ABCD3: variants seen among roughly 807,000 people sequenced by gnomAD.
The protein encoded by ABCD3 is ATP binding cassette subfamily D member 3, also known as ATP-binding cassette sub-family D member 3.
ABCD3 carries 41 observed loss-of-function variants against 105.5 expected under a neutral mutation model. The observed-to-expected ratio is 0.39, with a 90% CI of 0.30 to 0.50. The LOEUF (loss-of-function observed/expected upper bound fraction) is 0.50. Among genes scored for constraint, ABCD3 ranks in the 20% least tolerant of loss-of-function variants. ABCD3 has a pLI of 0.84. For synonymous variants in ABCD3, 258 were observed against 269.0 expected (o/e 0.96, Z 0.40); for missense variants, 622 against 806.3 (o/e 0.77, Z 2.77).
At chr1:94,416,381 T>C (rs1659006726), upstream of ABCD3, among the ~76,000 whole-genome samples, 1 of 152,228 alleles carries the variant, frequency 6.6e-6, no homozygotes, top group Admixed American at 6.5e-5. Flanking sequence ...TGTTCATATC[T>C]CTAATATAGT....
At chr1:94,434,723 GCATAAATA>G (rs1222070108) in intron 1 of ABCD3, among the ~76,000 whole-genome samples, 2 of 152,172 alleles carry the variant, frequency 1.3e-5, no homozygotes, top group African/African-American at 4.8e-5. Flanking sequence ...ACAGAAAACT[GCATAAATA>G]CATAAATAAT....
chr1:94,427,127 G>A (rs1659498490), intron 1 of ABCD3, among the ~76,000 whole-genome samples: 1 of 152,012 alleles, frequency 6.6e-6, no homozygotes, highest in African/African-American at 2.4e-5. Flanking sequence ...TTTCCTTCTG[G>A]TAGTAGACCT....
intron 1 of ABCD3, among the ~76,000 whole-genome samples, chr1:94,438,297 C>T (rs924157860): frequency 1.5e-4 from 14 of 92,554 alleles, no homozygotes; most frequent in South Asian, 3.7e-4. Flanking sequence ...CACACACACA[C>T]ACATACACAC....
Position 94,499,263 on chromosome 1 carries a change from G to T in ABCD3, c.1620+229G>T, listed in dbSNP as rs114351275. The stretch of plus-strand genomic sequence containing the variant: ...TTCTCATTGCCATCATCCTTTTACT[G>T]TGTACAATAGTGTTATTCTCTTTAA... On this transcript the variant is annotated intron_variant, in intron 19 of 22. Coordinates refer to ENST00000370214, the MANE Select transcript of ABCD3 (RefSeq NM_002858.4). Among the ~76,000 whole-genome samples the T allele has an allele frequency of 9.1e-3, 1,377 of 152,118 alleles. 19 individuals carry two copies. The highest frequency in any genetic ancestry group is 0.031 in the African/African-American group (1,305 of 41,496).
At chr1:94,516,608 A>G (rs1461462167) in intron 22 of ABCD3, among the ~76,000 whole-genome samples, 1 of 151,936 alleles carries the variant, frequency 6.6e-6, no homozygotes, top group African/African-American at 2.4e-5. Flanking sequence ...GTGAGGGGCC[A>G]GGATAGCTAA....
intron 1 of ABCD3, among the ~76,000 whole-genome samples, chr1:94,438,294 A>G (rs1182512756): frequency 8.2e-6 from 1 of 121,926 alleles, no homozygotes; most frequent in Admixed American, 8.3e-5. Flanking sequence ...ACACACACAC[A>G]CACACATACA....
At chr1:94,478,929 G>A (rs1274590358) in intron 8 of ABCD3, among the ~76,000 whole-genome samples, 1 of 151,992 alleles carries the variant, frequency 6.6e-6, no homozygotes, top group East Asian at 1.9e-4. Context: ...TCACTTTTAA[G>A]TTTTCTTTGA....
At chr1:94,389,871 C>T in the ABCD3 span, among the ~76,000 whole-genome samples, 697 of 152,210 alleles carry the variant, frequency 4.6e-3, 20 homozygotes, top group Admixed American at 0.034. Context: ...TCCTGTGCAT[C>T]GGGTCCAATT....
At chr1:94,427,060 C>T (rs1378167481) in intron 1 of ABCD3, among the ~76,000 whole-genome samples, 2 of 152,110 alleles carry the variant, frequency 1.3e-5, no homozygotes, top group South Asian at 2.1e-4. Context: ...TATTAATTGA[C>T]ACCCTTTGGT....
At chr1:94,400,642 C>T in the ABCD3 span, among the ~76,000 whole-genome samples, 1 of 152,274 alleles carries the variant, frequency 6.6e-6, no homozygotes, top group African/African-American at 2.4e-5. Context: ...TGACACCACC[C>T]TTGTGCCTTC....
At chr1:94,427,890 A>G (rs1368242718) in intron 1 of ABCD3, among the ~76,000 whole-genome samples, 1 of 152,212 alleles carries the variant, frequency 6.6e-6, no homozygotes. Flanking sequence ...TTTCATCATA[A>G]CATTCTTTTT....
intron 1 of ABCD3, among the ~76,000 whole-genome samples, chr1:94,425,772 C>T (rs376968175): frequency 2.6e-4 from 40 of 152,234 alleles, no homozygotes; most frequent in African/African-American, 9.6e-4. Flanking sequence ...TTAATTTGCA[C>T]GTATTTTATA....
At chr1:94,413,658 G>C (rs1279318571), upstream of ABCD3, among the ~76,000 whole-genome samples, 2 of 152,110 alleles carry the variant, frequency 1.3e-5, no homozygotes, top group African/African-American at 4.8e-5. Context: ...GGTGCAGTTG[G>C]GTACCTATTC....
the ABCD3 span, among the ~76,000 whole-genome samples, chr1:94,402,706 A>G: frequency 7.4e-3 from 1,128 of 152,148 alleles, 16 homozygotes; most frequent in African/African-American, 0.026. Flanking sequence ...TTTGATTGTC[A>G]CTTCTTTAGC....
intron 3 of ABCD3, among the ~76,000 whole-genome samples, chr1:94,467,285 T>C (rs962405276): frequency 2.0e-5 from 3 of 152,156 alleles, no homozygotes; most frequent in Non-Finnish European, 4.4e-5. Flanking sequence ...ATATTTCTAA[T>C]GCCATAACTG....
At chr1:94,484,322 A>G (rs1649176013) in intron 10 of ABCD3, among the ~76,000 whole-genome samples, 1 of 152,248 alleles carries the variant, frequency 6.6e-6, no homozygotes, top group Admixed American at 6.5e-5. Context: ...ATGCTGCTAT[A>G]AAGACACATG....
At chr1:94,459,651 G>A (rs1478161117) in intron 2 of ABCD3, among the ~76,000 whole-genome samples, 2 of 152,084 alleles carry the variant, frequency 1.3e-5, no homozygotes, top group Admixed American at 6.5e-5. Flanking sequence ...ATCCATTTAA[G>A]TGTATAAATG....
intron 8 of ABCD3, chr1:94,480,186 T>C (rs1648969232): frequency 4.3e-6 from 2 of 465,874 alleles, no homozygotes; most frequent in East Asian, 4.0e-5. Context: ...TTAGATAACA[T>C]AGAAAAACTG....
At chr1:94,404,209 C>CTT in the ABCD3 span, among the ~76,000 whole-genome samples, 15 of 152,238 alleles carry the variant, frequency 9.9e-5, no homozygotes, top group South Asian at 2.1e-3. Flanking sequence ...ACATCAATAC[C>CTT]TTTGCTCATT....
Sources: allele counts gnomAD v4.1 joint callset (sites outside exome capture counted in the v4.1 genomes callset), GRCh38; gene constraint gnomAD v4.1.1; transcripts MANE v1.5; gene names NCBI Gene and HGNC (gene_info 2026-07-23, HGNC 2026-07-21).